The following CXCL13 variants were observed in gnomAD, a reference collection of about 807,000 sequenced individuals.
The protein encoded by CXCL13 is C-X-C motif chemokine 13.
A neutral mutation model predicts 12.2 loss-of-function variants in CXCL13; 7 were observed. The ratio of observed to expected loss-of-function variants is 0.57; its 90% CI spans 0.33 to 1.07. The LOEUF is 1.07. Ranked by LOEUF, CXCL13 falls within the 50% of genes least tolerant of loss-of-function variation. CXCL13 has a pLI of 0.04. For missense variants in CXCL13, 113 were observed against 127.4 expected, an observed-to-expected ratio of 0.89 and a Z score of 0.55; for synonymous variants, 47 against 42.4, an observed-to-expected ratio of 1.11 and a Z score of -0.42.
intron 1 of CXCL13, among the ~76,000 whole-genome samples, chr4:77,542,902 T>C (rs1453493555): frequency 6.6e-6 from 1 of 152,178 alleles, no homozygotes; most frequent in Non-Finnish European, 1.5e-5. Context: ...AAGGAATCTC[T>C]CCTTAATTTT....
At chr4:77,583,074 T>C (rs1726376813) in intron 1 of CXCL13, among the ~76,000 whole-genome samples, 1 of 152,200 alleles carries the variant, frequency 6.6e-6, no homozygotes, top group African/African-American at 2.4e-5. Flanking sequence ...CTAGACAAAC[T>C]GAATAATCTA....
intron 1 of CXCL13, among the ~76,000 whole-genome samples, chr4:77,554,653 T>A (rs539217534): frequency 6.6e-6 from 1 of 152,242 alleles, no homozygotes; most frequent in South Asian, 2.1e-4. Context: ...ATATACATTA[T>A]TTTCAGATGC....
upstream of CXCL13, among the ~76,000 whole-genome samples, chr4:77,603,817 T>C (rs940577584): frequency 9.9e-5 from 15 of 152,210 alleles, no homozygotes; most frequent in African/African-American, 3.6e-4. Context: ...AGGCAGGCTA[T>C]TTATTGAATA....
intron 1 of CXCL13, among the ~76,000 whole-genome samples, chr4:77,582,069 G>GA (rs35016495): frequency 0.27 from 41,202 of 151,560 alleles, 5,723 homozygotes; most frequent in South Asian, 0.36. Context: ...AAAATGGAAA[G>GA]AAAAAAAACA....
intron 1 of CXCL13, among the ~76,000 whole-genome samples, chr4:77,565,523 T>C (rs1000691698): frequency 6.6e-6 from 1 of 152,072 alleles, no homozygotes; most frequent in East Asian, 1.9e-4. Flanking sequence ...ATCAGGAAAA[T>C]ATATATATAT....
rs117492652 is a variant in CXCL13, at chr4:77,547,718, T to C, written c.-43+35930T>C. 4.4e-3 allele frequency among the ~76,000 whole-genome samples: 668 copies of C among 152,330 alleles called. 17 individuals are homozygous for C. Among genetic ancestry groups the C allele is most frequent in the East Asian group, 0.026 (136 of 5,182 alleles). On this transcript the variant is annotated intron_variant, in intron 1 of 4. Coordinates refer to the CXCL13 transcript ENST00000286758. ...CCAGTCTGTGTGTTTAAATTGGGCA[T>C]TTAGTCCATTTACATTTAAGATTAA... is the stretch of plus-strand genomic sequence containing the variant.
At chr4:77,516,141 C>A (rs1675399844) in intron 1 of CXCL13, among the ~76,000 whole-genome samples, 1 of 152,178 alleles carries the variant, frequency 6.6e-6, no homozygotes. Flanking sequence ...ACCAGACTTG[C>A]ATCCCAGAGA....
chr4:77,562,179 C>A (rs1257045221), intron 1 of CXCL13, among the ~76,000 whole-genome samples: 8 of 147,418 alleles, frequency 5.4e-5, no homozygotes, highest in South Asian at 4.4e-4. Context: ...CCCCCACCCC[C>A]CCATCACTGC....
chr4:77,580,324 T>C (rs1047031483), intron 1 of CXCL13, among the ~76,000 whole-genome samples: 17 of 98,322 alleles, frequency 1.7e-4, no homozygotes, highest in Non-Finnish European at 3.3e-4. Context: ...TTTTTTTTTT[T>C]TTTTTTTTTT....
At chr4:77,570,502 GGCAGTCCTCAGA>G (rs112049028) in intron 1 of CXCL13, among the ~76,000 whole-genome samples, 4 of 152,342 alleles carry the variant, frequency 2.6e-5, no homozygotes, top group African/African-American at 9.6e-5. Context: ...ACAGCATGCT[GGCAGTCCTCAGA>G]GCCCTCACTT....
chr4:77,580,460 G>A (rs973448118), intron 1 of CXCL13, among the ~76,000 whole-genome samples: 54 of 150,450 alleles, frequency 3.6e-4, no homozygotes, highest in African/African-American at 1.3e-3. Flanking sequence ...CCAAGTAGCT[G>A]GGACTACAGG....
chr4:77,541,669 T>C (rs1462843512), intron 1 of CXCL13, among the ~76,000 whole-genome samples: 3 of 152,210 alleles, frequency 2.0e-5, no homozygotes, highest in African/African-American at 7.2e-5. Context: ...TTTTTCTTTT[T>C]GCTTAGGATT....
chr4:77,585,183 C>G (rs1726427118), intron 1 of CXCL13, among the ~76,000 whole-genome samples: 1 of 152,132 alleles, frequency 6.6e-6, no homozygotes, highest in Admixed American at 6.5e-5. Flanking sequence ...TTTTCTGAAA[C>G]CTGGCTTTAA....
rs549586194 is a variant in CXCL13 at position 77,573,607 on chromosome 4, A to T, written c.-42-32217A>T. On this transcript the variant is annotated intron_variant, in intron 1 of 4. Transcript: ENST00000286758. The stretch of plus-strand genomic sequence containing the variant: ...TTCTGTATATAAAATATGCCAAAGA[A>T]GATATTCTTTTATTTTAAAAAAAAT... Among the ~76,000 whole-genome samples the T allele has an allele frequency of 2.0e-5, 3 of 151,928 alleles. No individual in the cohort carries two copies. The South Asian group carries it at 6.2e-4, about 32-fold the overall frequency.
At chr4:77,556,296 A>T (rs905924352) in intron 1 of CXCL13, among the ~76,000 whole-genome samples, 1 of 152,228 alleles carries the variant, frequency 6.6e-6, no homozygotes, top group African/African-American at 2.4e-5. Flanking sequence ...ATTGATATAC[A>T]GAGTGTGGAT....
intron 1 of CXCL13, among the ~76,000 whole-genome samples, chr4:77,551,022 T>C (rs900176118): frequency 1.3e-5 from 2 of 152,210 alleles, no homozygotes; most frequent in East Asian, 1.9e-4. Flanking sequence ...GGTTTCCTTA[T>C]GTGTGAGATA....
chr4:77,586,564 C>T (rs557895447), intron 1 of CXCL13, among the ~76,000 whole-genome samples: 6 of 152,244 alleles, frequency 3.9e-5, no homozygotes, highest in South Asian at 2.1e-4. Context: ...TAAGAGCAAG[C>T]GCCTTGGGCA....
intron 1 of CXCL13, among the ~76,000 whole-genome samples, chr4:77,585,582 G>T (rs1028586929): frequency 6.6e-6 from 1 of 152,200 alleles, no homozygotes; most frequent in African/African-American, 2.4e-5. Flanking sequence ...CTTCAGAGCT[G>T]CCACTCCTTT....
At position 77,611,742 on chromosome 4, in the gene CXCL13, G is replaced by T; in HGVS notation, c.*703G>T. 2.5e-6 allele frequency: 1 copy of T among 395,322 alleles called. No individual in the cohort carries two copies. The highest frequency in any genetic ancestry group is 4.4e-6 in the Non-Finnish European group (1 of 225,974). The allele number at this position is 395,322 out of a possible 1,614,324, so 24.5% of individuals were successfully genotyped here. On this transcript the variant is annotated 3_prime_UTR_variant, in exon 4 of 4. Transcript: ENST00000682537. ...TCTTTTTCACTGACTTTTTTTGTGGGGGGCGGGGCCGGGGGGACTCTGGTA... is the reference window on the plus strand; with the variant it reads ...TCTTTTTCACTGACTTTTTTTGTGGTGGGCGGGGCCGGGGGGACTCTGGTA...
Sources: allele counts gnomAD v4.1 joint callset (sites outside exome capture counted in the v4.1 genomes callset), GRCh38; gene constraint gnomAD v4.1.1; transcripts MANE v1.5; gene names NCBI Gene and HGNC (gene_info 2026-07-23, HGNC 2026-07-21).